The following KMT2C variants were observed in gnomAD, a reference collection of about 807,000 sequenced individuals.
The protein encoded by KMT2C is lysine methyltransferase 2C.
KMT2C carries 88 observed loss-of-function variants against 507.9 expected under a neutral mutation model. That is an observed-to-expected ratio of 0.17 (90% CI 0.15 to 0.21). The LOEUF is 0.21. Among genes scored for constraint, KMT2C ranks in the 10% least tolerant of loss-of-function variants. The pLI, the probability that KMT2C is intolerant of heterozygous loss-of-function variation, is 1.00. For synonymous variants in KMT2C, 2,049 were observed against 2,080.8 expected (o/e 0.98, Z 0.42); for missense variants, 4,954 against 5,957.8 (o/e 0.83, Z 5.55).
Position 152,177,631 on chromosome 7 carries a change from T to A in KMT2C, c.7822A>T (p.Met2608Leu), listed in dbSNP as rs371099496. The A allele has an allele frequency of 6.2e-7, 1 of 1,614,046 alleles. No homozygotes were observed. The highest frequency in any genetic ancestry group is 8.5e-7 in the Non-Finnish European group (1 of 1,179,996). ...DFPGPRHTDPMRRPPQGLPNQ... is the reference protein window; with the variant it reads ...DFPGPRHTDPLRRPPQGLPNQ... ...GGTAGACCCTGGGGAGGTCGTCGCA[T>A]GGGGTCTGTGTGTCTAGGGCCCGGA... The change falls in exon 38 of 59, where the codon ATG becomes TTG. Residue 2608 changes from methionine (M) to leucine (L), a missense_variant. By Grantham distance (15) the Met-to-Leu change is conservative. Transcript: ENST00000262189.
chr7:152,179,052 G>A (rs1391632806), intron 37 of KMT2C, among the ~76,000 whole-genome samples: 3 of 152,218 alleles, frequency 2.0e-5, no homozygotes, highest in African/African-American at 4.8e-5. Flanking sequence ...GTGCAGTGGC[G>A]TGACCTCGGC....
At chr7:152,183,331 C>T (rs920687087) in intron 34 of KMT2C, among the ~76,000 whole-genome samples, 175 bp from the exon 35 acceptor site, 1 of 152,146 alleles carries the variant, frequency 6.6e-6, no homozygotes, top group Non-Finnish European at 1.5e-5. Context: ...TCTCTCTTTA[C>T]AGTGCATAGT....
intron 1 of KMT2C, among the ~76,000 whole-genome samples, chr7:152,430,372 A>C (rs1386102423): frequency 3.3e-5 from 5 of 152,142 alleles, no homozygotes; most frequent in African/African-American, 1.2e-4. Flanking sequence ...ATATAGAAAA[A>C]AAAAAGTAAA....
intron 1 of KMT2C, among the ~76,000 whole-genome samples, chr7:152,395,648 C>G (rs931985369): frequency 2.6e-5 from 4 of 152,160 alleles, no homozygotes; most frequent in African/African-American, 9.7e-5. Flanking sequence ...GCTGGGATTA[C>G]AGGTGCCTAC....
At chr7:152,172,406 T>G (rs2093002983) in intron 39 of KMT2C, among the ~76,000 whole-genome samples, 1 of 152,168 alleles carries the variant, frequency 6.6e-6, no homozygotes, top group Non-Finnish European at 1.5e-5. Flanking sequence ...TATTTAAAAC[T>G]AAGTGCTGGT....
At chr7:152,310,800 C>G (rs2096665042) in intron 5 of KMT2C, among the ~76,000 whole-genome samples, 1 of 152,088 alleles carries the variant, frequency 6.6e-6, no homozygotes, top group South Asian at 2.1e-4. Context: ...CCTCCTGTCT[C>G]AGCCTTGCCA....
chr7:152,313,560 A>T (rs1284942610), intron 4 of KMT2C, among the ~76,000 whole-genome samples: 1 of 152,126 alleles, frequency 6.6e-6, no homozygotes, highest in Non-Finnish European at 1.5e-5. Context: ...AAGGAAAAAA[A>T]TTCTTGATTT....
At chr7:152,184,336 A>T (rs1039318335) in intron 34 of KMT2C, among the ~76,000 whole-genome samples, 2 of 152,158 alleles carry the variant, frequency 1.3e-5, no homozygotes, top group Non-Finnish European at 1.5e-5. Context: ...ACAAGCTGGA[A>T]AATAACTATA....
At chr7:152,242,251 CT>C (rs893771369) in intron 14 of KMT2C, among the ~76,000 whole-genome samples, 41 of 152,158 alleles carry the variant, frequency 2.7e-4, no homozygotes, top group Admixed American at 1.2e-3. Flanking sequence ...ACTTATTGAA[CT>C]TTTTTTCTGC....
Position 152,162,701 on chromosome 7 carries a change from G to A in KMT2C, c.10876C>T (p.His3626Tyr). The change falls in exon 43 of 59, where the codon CAT becomes TAT. Residue 3626 changes from histidine to tyrosine, a missense_variant. Physicochemically the swap from His to Tyr is moderately conservative, Grantham distance 83 (BLOSUM62 2). Transcript: ENST00000262189. ...AESTKAPSTP[H>Y]SDITAPPTPG... ...GTCGGTGGGGCAGTTATATCTGAAT[G>A]GGGAGTTGATGGAGCCTTGGTGGAT... 1 of 1,614,194 alleles carries A rather than the reference G, an allele frequency of 6.2e-7. No homozygotes were observed. The highest frequency in any genetic ancestry group is 8.5e-7 in the Non-Finnish European group (1 of 1,180,030).
chr7:152,289,873 C>T (rs2096378650), intron 6 of KMT2C, among the ~76,000 whole-genome samples: 1 of 151,950 alleles, frequency 6.6e-6, no homozygotes, highest in African/African-American at 2.4e-5. Flanking sequence ...ATAGTGAAAC[C>T]CCATCTCTAC....
At chr7:152,327,968 A>AG (rs1014701301) in intron 3 of KMT2C, among the ~76,000 whole-genome samples, 1 of 151,352 alleles carries the variant, frequency 6.6e-6, no homozygotes, top group Non-Finnish European at 1.5e-5. Context: ...AAAAAAAAAA[A>AG]AAAAAAAGAA....
chr7:152,204,614 GAT>G (rs2094245034), intron 25 of KMT2C, among the ~76,000 whole-genome samples: 1 of 151,078 alleles, frequency 6.6e-6, no homozygotes, highest in Non-Finnish European at 1.5e-5. Flanking sequence ...TAGATAGATA[GAT>G]AGATAGATAG....
Position 152,144,981 on chromosome 7 carries a change from G to C in KMT2C, c.14175-100C>G. 1 of 1,404,744 alleles carries C rather than the reference G, an allele frequency of 7.1e-7. No individual in the cohort carries two copies. The allele number at this position is 1,404,744 out of a possible 1,614,324, so 87.0% of individuals were successfully genotyped here. A position where few individuals can be genotyped will look rare whatever the true frequency, so the allele number is the denominator to read the frequency against. On this transcript the variant is annotated intron_variant, in intron 54 of 58. Coordinates refer to ENST00000262189, the MANE Select transcript of KMT2C (RefSeq NM_170606.3). The surrounding 1 kb of genome is among the most constrained non-coding windows in gnomAD (Gnocchi z 4.4). Reference sequence around the variant, plus strand: ...AGGTTAATTCAGATTCTTACTGACAGAAACATACATGGAAAGCTGCCTAGC... The same window carrying C: ...AGGTTAATTCAGATTCTTACTGACACAAACATACATGGAAAGCTGCCTAGC...
intron 6 of KMT2C, among the ~76,000 whole-genome samples, chr7:152,290,543 C>T (rs2129186214): frequency 6.6e-6 from 1 of 151,162 alleles, no homozygotes; most frequent in Admixed American, 6.6e-5. Context: ...CTCCTGACCT[C>T]GTGATCCACC....
chr7:152,330,161 AGGGGTGGTGGGGGGG>A (rs1284562382), intron 3 of KMT2C, among the ~76,000 whole-genome samples: 12 of 6,624 alleles, frequency 1.8e-3, no homozygotes, highest in African/African-American at 5.6e-3. Flanking sequence ...GGAGGGGGGG[AGGGGTGGTGGGGGGG>A]GGGAGAAAAA....
rs1468007547 is a variant in KMT2C, at chr7:152,180,011, T to C, written c.7265A>G (p.His2422Arg). The part of the protein sequence containing the change: ...PAVPHPGPLQ[H>R]WQPENVNQAF... ...CTGGTTAACATTCTCTGGTTGCCAG[T>C]GTTGAAGAGGCCCTGGATGAGGCAC... is the stretch of plus-strand genomic sequence containing the variant. The change falls in exon 37 of 59, where the codon CAC becomes CGC. Residue 2422 changes from histidine (H) to arginine (R), a missense_variant. Physicochemically the swap from His to Arg is conservative, Grantham distance 29. Around this residue, in one of 29 missense-constraint regions of KMT2C, gnomAD observed 1,689 missense variants for 1,654.3 expected, o/e 1.02. Transcript: ENST00000262189. 6.2e-7 allele frequency: 1 copy of C among 1,614,132 alleles called. No homozygotes were observed. The highest frequency in any genetic ancestry group is 8.5e-7 in the Non-Finnish European group (1 of 1,180,036).
intron 2 of KMT2C, among the ~76,000 whole-genome samples, chr7:152,351,280 T>G (rs940997504): frequency 2.0e-5 from 3 of 152,194 alleles, no homozygotes; most frequent in Non-Finnish European, 4.4e-5. Context: ...CAAGAGTGTA[T>G]GTAGTGTACT....
chr7:152,300,987 GGCAGAGGTTGCAGTAAGCCGAGATCGC>G, intron 6 of KMT2C, among the ~76,000 whole-genome samples: 1 of 152,012 alleles, frequency 6.6e-6, no homozygotes, highest in East Asian at 1.9e-4. Flanking sequence ...GAACCAGGGA[GGCAGAGGTTGCAGTAAGCCGAGATCGC>G]GCCACTGCAC....
Sources: gnomAD v4.1 joint callset for allele counts (sites outside exome capture counted in the v4.1 genomes callset) on GRCh38, gnomAD v4.1.1 for gene constraint, gnomAD v4.1.1 regional missense constraint, Gnocchi (gnomAD v3.1) non-coding constraint, MANE v1.5 for transcripts, NCBI Gene and HGNC (gene_info 2026-07-23, HGNC 2026-07-21) for gene names.